The following DGKE variants were observed in gnomAD, a reference collection of about 807,000 sequenced individuals.
DGKE encodes the protein DAG kinase epsilon.
A neutral mutation model predicts 70.0 loss-of-function variants in DGKE; 53 were observed. That is an observed-to-expected ratio of 0.76 (90% confidence interval 0.61 to 0.95). The LOEUF is 0.95. Among genes scored for constraint, DGKE ranks in the 40% least tolerant of loss-of-function variants. The pLI is 0.00. For synonymous variants in DGKE, 291 were observed against 257.0 expected (o/e 1.13, Z -1.27); for missense variants, 655 against 706.9 (o/e 0.93, Z 0.83).
At position 56,849,198 on chromosome 17, in the gene DGKE, CAAAT is replaced by C. The variant is rs764747885; in HGVS notation, c.1068_1071del (p.Asn356LysfsTer6). ...TTTTTTAGATGGAAAGTTCAAGTAA[CAAAT>C]AAAGGATACTACAACTTAAGAAAAC... On this transcript the variant is annotated frameshift_variant, in exon 7 of 12. Coordinates refer to ENST00000284061, the MANE Select transcript of DGKE (RefSeq NM_003647.3). LOFTEE classifies it high-confidence loss of function. The C allele has an allele frequency of 9.3e-6, 15 of 1,609,842 alleles. No homozygotes were observed. The highest frequency in any genetic ancestry group is 2.2e-5 in the East Asian group (1 of 44,848).
chr17:56,839,553 A>T (rs1310905084), intron 2 of DGKE, among the ~76,000 whole-genome samples: 1 of 152,174 alleles, frequency 6.6e-6, no homozygotes, highest in Non-Finnish European at 1.5e-5. Flanking sequence ...GTCTTACTCT[A>T]TATTGCCTAG....
rs962002668 is a variant in DGKE, at chr17:56,866,419, C to T, written c.*3628C>T. 3 of 152,236 alleles carry T rather than the reference C, an allele frequency of 2.0e-5. No individual in the cohort carries two copies. The highest frequency in any genetic ancestry group is 7.2e-5 in the African/African-American group (3 of 41,462). The allele number at this position is 152,236 out of a possible 1,614,324, so 9.4% of individuals were successfully genotyped here. ...GCTTCTGGTCTGAACCTCATGTATT[C>T]ACCTAGGGCTTTTGCTAGGTGGGAT... On this transcript the variant is annotated 3_prime_UTR_variant, in exon 12 of 12. Coordinates refer to ENST00000284061, the MANE Select transcript of DGKE (RefSeq NM_003647.3).
chr17:56,842,019 C>T (rs1907013368), intron 2 of DGKE, among the ~76,000 whole-genome samples: 1 of 151,994 alleles, frequency 6.6e-6, no homozygotes, highest in Admixed American at 6.6e-5. Flanking sequence ...ACGATATTGA[C>T]ATGATGTAAT....
At chr17:56,858,809 A>G in intron 9 of DGKE, 144 bp downstream of exon 9, 1 of 574,944 alleles carries the variant, frequency 1.7e-6, no homozygotes, top group Non-Finnish European at 3.0e-6. Context: ...ACTTTGCTAC[A>G]TGCTTTATAC....
intron 9 of DGKE, 101 bp from the exon 10 acceptor site, chr17:56,861,690 C>T: frequency 6.7e-7 from 1 of 1,502,126 alleles, no homozygotes; most frequent in Non-Finnish European, 9.0e-7. Flanking sequence ...ATGTGCATCT[C>T]TCATATATAA....
At chr17:56,835,413 C>A in intron 2 of DGKE, 154 bp downstream of exon 2, 2 of 818,632 alleles carry the variant, frequency 2.4e-6, no homozygotes, top group Non-Finnish European at 3.7e-6. Flanking sequence ...TTTGTGCAAG[C>A]GTGGCAGCTT....
At chr17:56,860,874 G>A (rs1908248737) in intron 9 of DGKE, among the ~76,000 whole-genome samples, 1 of 152,188 alleles carries the variant, frequency 6.6e-6, no homozygotes. Flanking sequence ...GAGATGGACA[G>A]AAGTCAAATC....
chr17:56,855,790 G>C (rs931064864), intron 7 of DGKE, among the ~76,000 whole-genome samples: 1 of 152,122 alleles, frequency 6.6e-6, no homozygotes. Flanking sequence ...CGAATCACGA[G>C]GTCAGGAGCT....
Position 56,862,637 on chromosome 17 carries a change from C to A in DGKE, c.1550C>A (p.Pro517Gln). ...CTGATTTTGAAGTGCTCCATGATGC[C>A]AATGCAGGTGGATGGGGAGCCTTGG... is the stretch of plus-strand genomic sequence containing the variant. ...VRLILKCSMM[P>Q]MQVDGEPWAQ... Residue 517 changes from proline to glutamine, a missense_variant, in exon 12 of 12, where the codon CCA becomes CAA. By Grantham distance (76) the Pro-to-Gln change is moderately conservative. Transcript: ENST00000284061. 1 of 1,571,858 alleles carries A rather than the reference C, an allele frequency of 6.4e-7. No individual in the cohort carries two copies. The highest frequency in any genetic ancestry group is 8.6e-7 in the Non-Finnish European group (1 of 1,166,448).
chr17:56,848,151 TTTGTTG>T, intron 5 of DGKE, 86 bp downstream of exon 5: 1 of 885,504 alleles, frequency 1.1e-6, no homozygotes, highest in Non-Finnish European at 1.4e-6. Flanking sequence ...TTGTTGTTGT[TTTGTTG>T]TTGTTGTTGT....
In DGKE at chr17:56,835,259, G is replaced by A; in HGVS notation, c.464G>A (p.Arg155Lys). 1 of 1,605,934 alleles carries A rather than the reference G, an allele frequency of 6.2e-7. No individual in the cohort carries two copies. The highest frequency in any genetic ancestry group is 1.1e-5 in the South Asian group (1 of 90,500). Reference sequence around the variant, plus strand: ...TGTCAACCCAAGCTTTGCGATTACAGGTATGGTCTTCGTGGACACTCACTG... The same window carrying A: ...TGTCAACCCAAGCTTTGCGATTACAAGTATGGTCTTCGTGGACACTCACTG... ...CGCQPKLCDY[R>K]CIWCQKTVHD... The change falls in exon 2 of 12, where the codon AGG (arginine) becomes AAG (lysine). Residue 155 changes from arginine to lysine, a missense_variant and splice_region_variant. Physicochemically the swap from Arg to Lys is conservative, Grantham distance 26. Coordinates refer to ENST00000284061, the MANE Select transcript of DGKE (RefSeq NM_003647.3).
At chr17:56,854,631 A>G (rs1259059650) in intron 7 of DGKE, among the ~76,000 whole-genome samples, 2 of 152,162 alleles carry the variant, frequency 1.3e-5, no homozygotes, top group Non-Finnish European at 2.9e-5. Flanking sequence ...AGAGGATTTT[A>G]GATGTTCTCA....
At chr17:56,848,565 A>C in intron 5 of DGKE, 131 bp from the exon 6 acceptor site, 1 of 878,860 alleles carries the variant, frequency 1.1e-6, no homozygotes, top group Admixed American at 2.6e-5. Context: ...AATTAGCACA[A>C]GCTTTAGCAA....
chr17:56,844,338 G>A (rs763009636), intron 3 of DGKE, among the ~76,000 whole-genome samples, 160 bp downstream of exon 3: 13 of 152,182 alleles, frequency 8.5e-5, no homozygotes, highest in Non-Finnish European at 1.8e-4. Context: ...TGCTATTATG[G>A]TAAGCCATAA....
rs1480696814 is a variant in DGKE, at chr17:56,861,866, G to C, written c.1360G>C (p.Gly454Arg). The C allele has an allele frequency of 6.2e-7, 1 of 1,613,888 alleles. No homozygotes were observed. The highest frequency in any genetic ancestry group is 1.1e-5 in the South Asian group (1 of 91,046). The change falls in exon 10 of 12, where the codon GGT (glycine) becomes CGT (arginine). Residue 454 changes from glycine (G) to arginine (R), a missense_variant. Physicochemically the swap from Gly to Arg is moderately radical, Grantham distance 125. Transcript: ENST00000284061. ...IIVLNIGYWG[G>R]GCRLWEGMGD... Reference sequence around the variant, plus strand: ...AGTTCTGAACATCGGATACTGGGGCGGTGGCTGCAGACTATGGGAAGGGAT... The same window carrying C: ...AGTTCTGAACATCGGATACTGGGGCCGTGGCTGCAGACTATGGGAAGGGAT...
rs1256902728 is a variant in DGKE, at chr17:56,848,035, C to T, written c.858C>T (p.Val286=). The T allele has an allele frequency of 1.3e-6, 2 of 1,581,310 alleles. No homozygotes were observed. Among genetic ancestry groups the T allele is most frequent in the Non-Finnish European group, 8.6e-7 (1 of 1,164,514 alleles). Residue 286 remains valine, a synonymous_variant, in exon 5 of 12, where the codon GTC becomes GTT. Coordinates refer to ENST00000284061, the MANE Select transcript of DGKE (RefSeq NM_003647.3). ...VCGGDGTVGW[V]LDAVDDMKIK... ...GAGGGGATGGGACTGTAGGGTGGGT[C>T]CTGGATGCAGTTGATGACATGAAGA...
At chr17:56,859,586 A>C (rs1331018469) in intron 9 of DGKE, among the ~76,000 whole-genome samples, 2 of 151,500 alleles carry the variant, frequency 1.3e-5, no homozygotes, top group Admixed American at 6.6e-5. Flanking sequence ...CGCCCGGCTA[A>C]TTTTTTGTAT....
At position 56,863,450 on chromosome 17, in the gene DGKE, CT is replaced by C. The variant is rs2144305569; in HGVS notation, c.*665del. The stretch of plus-strand genomic sequence containing the variant: ...AACCATTTGAGCTGCAATTCAGGAT[CT>C]TTTTTATAACACCAGTGTAGCCAAA... On this transcript the variant is annotated 3_prime_UTR_variant, in exon 12 of 12. Coordinates refer to ENST00000284061, the MANE Select transcript of DGKE (RefSeq NM_003647.3). 1 of 152,274 alleles carries C rather than the reference CT, an allele frequency of 6.6e-6. No homozygotes were observed. The highest frequency in any genetic ancestry group is 2.1e-4 in the South Asian group (1 of 4,816). The allele number at this position is 152,274 out of a possible 1,614,324, so 9.4% of individuals were successfully genotyped here. A position where few individuals can be genotyped will look rare whatever the true frequency, so the allele number is the denominator to read the frequency against.
intron 9 of DGKE, among the ~76,000 whole-genome samples, chr17:56,861,515 G>T (rs1598049970): frequency 6.6e-6 from 1 of 152,156 alleles, no homozygotes; most frequent in Non-Finnish European, 1.5e-5. Flanking sequence ...AAGGGGGTCA[G>T]CAAGTGTCAG....
Sources: allele counts gnomAD v4.1 joint callset (sites outside exome capture counted in the v4.1 genomes callset), GRCh38; gene constraint gnomAD v4.1.1; transcripts MANE v1.5; gene names NCBI Gene and HGNC (gene_info 2026-07-23, HGNC 2026-07-21).